NBEAL2: variants seen among roughly 807,000 people sequenced by gnomAD.
NBEAL2 encodes the protein neurobeachin-like protein 2.
Under a neutral mutation model 299.8 loss-of-function variants are expected in NBEAL2, and 160 were observed. The ratio of observed to expected loss-of-function variants is 0.53; its 90% CI spans 0.47 to 0.61. The LOEUF is 0.61. Among genes scored for constraint, NBEAL2 ranks in the 20% least tolerant of loss-of-function variants. The pLI is 0.00. For synonymous variants in NBEAL2, 1,493 were observed against 1,542.3 expected, an observed-to-expected ratio of 0.97 and a Z score of 0.75; for missense variants, 3,112 against 3,649.0, an observed-to-expected ratio of 0.85 and a Z score of 3.79.
Position 47,005,184 on chromosome 3 carries a change from T to C in NBEAL2, c.6423T>C (p.Tyr2141=). Reference sequence around the variant, plus strand: ...ACACGTCCAACTGTGGCCCCAGGTATGAAAGCTTTGAGGACCCAGCAGGGA... The same window carrying C: ...ACACGTCCAACTGTGGCCCCAGGTACGAAAGCTTTGAGGACCCAGCAGGGA... ...PKHAQLVREK[Y]ESFEDPAGTI... The change falls in exon 40 of 54, where the codon TAT becomes TAC. Residue 2141 remains tyrosine, a synonymous_variant. Coordinates refer to ENST00000450053, the MANE Select transcript of NBEAL2 (RefSeq NM_015175.3). 6.2e-7 allele frequency: 1 copy of C among 1,613,720 alleles called. No individual in the cohort carries two copies. The highest frequency in any genetic ancestry group is 8.5e-7 in the Non-Finnish European group (1 of 1,179,862).
At chr3:47,006,649 C>T (rs974367095) in intron 45 of NBEAL2, among the ~76,000 whole-genome samples, 200 bp downstream of exon 45, 6 of 152,162 alleles carry the variant, frequency 3.9e-5, no homozygotes, top group Non-Finnish European at 5.9e-5. Context: ...AGTGTCGACT[C>T]AACAAGCTCT....
rs2036331359 is a variant in NBEAL2 at position 46,994,505 on chromosome 3, G to A, written c.1248G>A (p.Gln416=). ...ACCCTCACCTGCAGGAGGTTCTGCA[G>A]AGCCATGGTCCCCCCACCCATCGGC... ...IGYPHLQEVL[Q]SHGPPTHRLL... The change falls in exon 12 of 54, where the codon CAG becomes CAA. Residue 416 remains glutamine, a synonymous_variant. Coordinates refer to ENST00000450053, the MANE Select transcript of NBEAL2 (RefSeq NM_015175.3). 1.3e-6 allele frequency: 2 copies of A among 1,595,944 alleles called. No homozygotes were observed. Among genetic ancestry groups the A allele is most frequent in the Non-Finnish European group, 1.7e-6 (2 of 1,170,168 alleles).
chr3:47,004,264 C>T lies in NBEAL2; in HGVS notation c.6069C>T (p.Gly2023=), dbSNP rs778562052. 1.2e-6 allele frequency: 2 copies of T among 1,613,512 alleles called. No individual in the cohort carries two copies. Among genetic ancestry groups the T allele is most frequent in the South Asian group, 2.2e-5 (2 of 91,078 alleles). Residue 2023 remains glycine, a synonymous_variant, in exon 37 of 54, where the codon GGC becomes GGT. Transcript: ENST00000450053. The surrounding 1 kb of genome is among the most constrained non-coding windows in gnomAD (Gnocchi z 5.0). ...SPSQTPRPQP[G]PIPPHTQVRN... ...GCCAGACTCCCAGACCCCAGCCTGG[C>T]CCCATCCCACCCCATACCCAGGTAC...
At position 47,001,095 on chromosome 3, in the gene NBEAL2, G is replaced by A. The variant is rs773380743; in HGVS notation, c.4400G>A (p.Arg1467Gln). Residue 1467 changes from arginine (R) to glutamine (Q), a missense_variant, in exon 28 of 54, where the codon CGG becomes CAG. Physicochemically the swap from Arg to Gln is conservative, Grantham distance 43 (BLOSUM62 1). This residue lies in a region of NBEAL2 where 2,243 missense variants were observed against 2,538.1 expected (regional missense o/e 0.88). Transcript: ENST00000450053. This position sits in a 1 kb window ranked among gnomAD's most constrained non-coding sequence, Gnocchi z 6.1. Reference sequence around the variant, plus strand: ...GAAGGCAGCGATGAGGCTGCCTGGCGGGAGCGTGGCCAGGTTTTCTCAGTG... The same window carrying A: ...GAAGGCAGCGATGAGGCTGCCTGGCAGGAGCGTGGCCAGGTTTTCTCAGTG... The part of the protein sequence containing the change: ...GVEGSDEAAW[R>Q]ERGQVFSVLT... 1.2e-5 allele frequency: 20 copies of A among 1,612,290 alleles called. No individual in the cohort carries two copies. Among genetic ancestry groups the A allele is most frequent in the Non-Finnish European group, 1.4e-5 (17 of 1,179,460 alleles).
At position 47,009,271 on chromosome 3, in the gene NBEAL2, C is replaced by T; in HGVS notation, c.8216C>T (p.Ser2739Phe). 2 of 1,602,678 alleles carry T rather than the reference C, an allele frequency of 1.2e-6. No homozygotes were observed. Among genetic ancestry groups the T allele is most frequent in the Admixed American group, 1.7e-5 (1 of 59,146 alleles). Reference protein sequence around the residue: ...RKLWRSSRRISQVSSGETEYN... With the variant: ...RKLWRSSRRIFQVSSGETEYN... Reference sequence around the variant, plus strand: ...CTGTGGCGGTCCTCGCGGCGCATCTCCCAGGTGTCCTCGGGAGAGACGGAA... The same window carrying T: ...CTGTGGCGGTCCTCGCGGCGCATCTTCCAGGTGTCCTCGGGAGAGACGGAA... The change falls in exon 54 of 54, where the codon TCC becomes TTC. Residue 2739 changes from serine (S) to phenylalanine (F), a missense_variant. Around this residue, in one of 3 missense-constraint regions of NBEAL2, gnomAD observed 348 missense variants for 381.4 expected, o/e 0.91. Coordinates refer to ENST00000450053, the MANE Select transcript of NBEAL2 (RefSeq NM_015175.3).
At chr3:46,992,430 CTCT>C (rs2036169586) in intron 9 of NBEAL2, 42 bp from the exon 10 acceptor site, 1 of 1,537,390 alleles carries the variant, frequency 6.5e-7, no homozygotes, top group Non-Finnish European at 8.9e-7. Context: ...TCTTCCTCCT[CTCT>C]TCTTTGCCTC....
In NBEAL2 at chr3:46,989,706, C is replaced by T; in HGVS notation, c.556+113C>T. On this transcript the variant is annotated intron_variant, in intron 6 of 53. Transcript: ENST00000450053. The surrounding 1 kb of genome is among the most constrained non-coding windows in gnomAD (Gnocchi z 5.5). ...CACTTGGTGGTGGCTGCATGCAGGACTGGGAGAACCAAAGACCAAGCAAGA... is the reference window on the plus strand; with the variant it reads ...CACTTGGTGGTGGCTGCATGCAGGATTGGGAGAACCAAAGACCAAGCAAGA... 1 of 954,988 alleles carries T rather than the reference C, an allele frequency of 1.0e-6. No homozygotes were observed. The allele number at this position is 954,988 out of a possible 1,614,324, so 59.2% of individuals were successfully genotyped here. A position where few individuals can be genotyped will look rare whatever the true frequency, so the allele number is the denominator to read the frequency against.
At position 47,007,286 on chromosome 3, in the gene NBEAL2, C is replaced by T. The variant is rs772357442; in HGVS notation, c.7270C>T (p.Pro2424Ser). Residue 2424 changes from proline (P) to serine (S), a missense_variant, in exon 47 of 54, where the codon CCC (proline) becomes TCC (serine). Pro to Ser is a moderately conservative substitution (Grantham distance 74, BLOSUM62 -1). Coordinates refer to ENST00000450053, the MANE Select transcript of NBEAL2 (RefSeq NM_015175.3). ...GCTGCTGGGCACCCACAGCTGGTTG[C>T]CCTATGACCGCAACATAAGCAACTA... ...SGLLGTHSWL[P>S]YDRNISNYFS... 3.7e-6 allele frequency: 6 copies of T among 1,612,542 alleles called. No individual in the cohort carries two copies. The highest frequency in any genetic ancestry group is 1.7e-5 in the Admixed American group (1 of 59,830).
Position 46,982,377 on chromosome 3 carries a change from G to A in NBEAL2, c.51+2465G>A, listed in dbSNP as rs1163078649. Among the ~76,000 whole-genome samples the A allele has an allele frequency of 6.6e-6, 1 of 152,154 alleles. No individual in the cohort carries two copies. Among genetic ancestry groups the A allele is most frequent in the Non-Finnish European group, 1.5e-5 (1 of 68,024 alleles). On this transcript the variant is annotated intron_variant, in intron 1 of 53. Transcript: ENST00000450053. The surrounding 1 kb of genome is among the most constrained non-coding windows in gnomAD (Gnocchi z 4.2). ...TTGTGGGTCTGGGTGGGGATGGAGA[G>A]GGGGGAGTAACTCCTTCCTGCCCTT...
chr3:47,007,235 C>G lies in NBEAL2; in HGVS notation c.7225-6C>G. 1.2e-6 allele frequency: 2 copies of G among 1,611,316 alleles called. No individual in the cohort carries two copies. Among genetic ancestry groups the G allele is most frequent in the Non-Finnish European group, 8.5e-7 (1 of 1,178,660 alleles). On this transcript the variant is annotated splice_polypyrimidine_tract_variant and splice_region_variant and intron_variant, in intron 46 of 53. Transcript: ENST00000450053. ...GAAACCCACCTCTGCCCCCTCCTGC[C>G]TGCAGGTGACTGTGAGTGCCAGTGG...
chr3:46,985,287 C>A lies in NBEAL2; in HGVS notation c.52-3382C>A, dbSNP rs953486613. Among the ~76,000 whole-genome samples, 5 of 152,158 alleles carry A rather than the reference C, an allele frequency of 3.3e-5. No homozygotes were observed. In the South Asian group the frequency reaches 1.0e-3, roughly 32 times the overall value. On this transcript the variant is annotated intron_variant, in intron 1 of 53. Transcript: ENST00000450053. ...AGGGCATGTGACTGGCTGATCAAGCCGTGATGGTGACAGATGTCTACTCGA... is the reference window on the plus strand; with the variant it reads ...AGGGCATGTGACTGGCTGATCAAGCAGTGATGGTGACAGATGTCTACTCGA...
At position 47,003,277 on chromosome 3, in the gene NBEAL2, C is replaced by T. The variant is rs201985571; in HGVS notation, c.5688C>T (p.Leu1896=). The T allele has an allele frequency of 3.1e-4, 498 of 1,612,816 alleles. No individual in the cohort carries two copies. The highest frequency in any genetic ancestry group is 4.1e-4 in the Non-Finnish European group (483 of 1,179,820). ...CCGAGTTGCTGCAGGAGGACCAGCTCGGCGAGGACGAGCTGGCTGAGCTGG... is the reference window on the plus strand; with the variant it reads ...CCGAGTTGCTGCAGGAGGACCAGCTTGGCGAGGACGAGCTGGCTGAGCTGG... ...TPPELLQEDQ[L]GEDELAELET... is the part of the protein sequence containing the mutation. Residue 1896 remains leucine, a synonymous_variant, in exon 35 of 54, where the codon CTC becomes CTT. Transcript: ENST00000450053. The surrounding 1 kb of genome is among the most constrained non-coding windows in gnomAD (Gnocchi z 7.0).
rs751864724 is a variant in NBEAL2 at position 46,989,187 on chromosome 3, G to C, written c.351+21G>C. The C allele has an allele frequency of 8.1e-6, 13 of 1,613,562 alleles. No homozygotes were observed. Among genetic ancestry groups the C allele is most frequent in the African/African-American group, 2.7e-5 (2 of 74,918 alleles). ...CGGAGGTGAAGTGGCCTCTACCTTG[G>C]GGGGCAGAGGGTGTATGCAGGGAGG... On this transcript the variant is annotated intron_variant, in intron 4 of 53. Transcript: ENST00000450053. The surrounding 1 kb of genome is among the most constrained non-coding windows in gnomAD (Gnocchi z 5.5).
chr3:47,007,701 T>G lies in NBEAL2; in HGVS notation c.7507+4T>G, dbSNP rs765161080. On this transcript the variant is annotated splice_donor_region_variant and intron_variant, in intron 48 of 53. Coordinates refer to ENST00000450053, the MANE Select transcript of NBEAL2 (RefSeq NM_015175.3). Reference sequence around the variant, plus strand: ...AGCCAGCTCAGCTGCCACCTTGGTATGAACAGCCTTGGAGCTGGGGAGAAT... The same window carrying G: ...AGCCAGCTCAGCTGCCACCTTGGTAGGAACAGCCTTGGAGCTGGGGAGAAT... 1.2e-6 allele frequency: 2 copies of G among 1,609,260 alleles called. No individual in the cohort carries two copies. The highest frequency in any genetic ancestry group is 1.7e-6 in the Non-Finnish European group (2 of 1,177,098).
chr3:47,007,794 G>GTACCCTCCCC (rs2037568469), intron 48 of NBEAL2, 22 bp from the exon 49 acceptor site: 1 of 1,611,296 alleles, frequency 6.2e-7, no homozygotes, highest in African/African-American at 1.3e-5. Context: ...CGTTCTGCCT[G>GTACCCTCCCC]TACCCTCCCC....
chr3:47,000,214 G>T lies in NBEAL2; in HGVS notation c.4115G>T (p.Gly1372Val), dbSNP rs771222136. 2 of 1,613,676 alleles carry T rather than the reference G, an allele frequency of 1.2e-6. No homozygotes were observed. Among genetic ancestry groups the T allele is most frequent in the South Asian group, 2.2e-5 (2 of 91,084 alleles). ...AGTGTAGGATCAGGCAACACTGCTG[G>T]TGGTGGCGGCAGCAGTGGGACTCTT... The part of the protein sequence containing the change: ...RSSVGSGNTA[G>V]GGGSSGTLTP... Residue 1372 changes from glycine to valine, a missense_variant, in exon 27 of 54, where the codon GGT (glycine) becomes GTT (valine). Coordinates refer to ENST00000450053, the MANE Select transcript of NBEAL2 (RefSeq NM_015175.3). This position sits in a 1 kb window ranked among gnomAD's most constrained non-coding sequence, Gnocchi z 4.5.
rs1361186036 is a variant in NBEAL2, at chr3:46,991,587, C to A, written c.824C>A (p.Ala275Asp). ...CCTCCTCGTGGCCCAGAGCTTCGTG[C>A]CCTGCTTGAGAGCTACTTCCATGTC... ...RAPPRGPELR[A>D]LLESYFHVLN... The change falls in exon 8 of 54, where the codon GCC becomes GAC. Residue 275 changes from alanine (A) to aspartate (D), a missense_variant. Around this residue, in one of 3 missense-constraint regions of NBEAL2, gnomAD observed 2,243 missense variants for 2,538.1 expected, o/e 0.88. Coordinates refer to ENST00000450053, the MANE Select transcript of NBEAL2 (RefSeq NM_015175.3). The surrounding 1 kb of genome is among the most constrained non-coding windows in gnomAD (Gnocchi z 6.2). 1 of 1,601,790 alleles carries A rather than the reference C, an allele frequency of 6.2e-7. No individual in the cohort carries two copies. Among genetic ancestry groups the A allele is most frequent in the South Asian group, 1.1e-5 (1 of 91,088 alleles).
Position 47,006,238 on chromosome 3 carries a change from G to A in NBEAL2, c.6993G>A (p.Gly2331=), listed in dbSNP as rs758526014. 2.7e-5 allele frequency: 44 copies of A among 1,613,744 alleles called. No individual in the cohort carries two copies. Among genetic ancestry groups the A allele is most frequent in the Non-Finnish European group, 4.2e-6 (5 of 1,179,872 alleles). The part of the protein sequence containing the change: ...KALEGIISNF[G]QTPCQLLKEP... ...TGGAGGGCATTATCAGCAACTTTGG[G>A]CAGACTCCCTGTCAGCTGCTGAAGG... Residue 2331 remains glycine (G), a synonymous_variant, in exon 44 of 54, where the codon GGG becomes GGA. Coordinates refer to ENST00000450053, the MANE Select transcript of NBEAL2 (RefSeq NM_015175.3).
In NBEAL2 at chr3:46,995,746, C is replaced by A. The variant is rs1258038343; in HGVS notation, c.1931C>A (p.Ala644Asp). 1 of 1,613,722 alleles carries A rather than the reference C, an allele frequency of 6.2e-7. No homozygotes were observed. ...ACCAGCAGCGGCTCAGGGTTTGAGGCCTTCTTCACGGCGGCCGGGACCCTG... is the reference window on the plus strand; with the variant it reads ...ACCAGCAGCGGCTCAGGGTTTGAGGACTTCTTCACGGCGGCCGGGACCCTG... Reference protein sequence around the residue: ...FFTSSGSGFEAFFTAAGTLVV... With the variant: ...FFTSSGSGFEDFFTAAGTLVV... Residue 644 changes from alanine (A) to aspartate (D), a missense_variant, in exon 14 of 54, where the codon GCC (alanine) becomes GAC (aspartate). Around this residue, in one of 3 missense-constraint regions of NBEAL2, gnomAD observed 2,243 missense variants for 2,538.1 expected, o/e 0.88. Coordinates refer to ENST00000450053, the MANE Select transcript of NBEAL2 (RefSeq NM_015175.3).
Sources: gnomAD v4.1 joint callset for allele counts (sites outside exome capture counted in the v4.1 genomes callset) on GRCh38, gnomAD v4.1.1 for gene constraint, gnomAD v4.1.1 regional missense constraint, Gnocchi (gnomAD v3.1) non-coding constraint, MANE v1.5 for transcripts, NCBI Gene and HGNC (gene_info 2026-07-23, HGNC 2026-07-21) for gene names.